ATF2: variants seen among roughly 807,000 people sequenced by gnomAD.
ATF2 encodes the protein activating transcription factor 2, also known as cyclic AMP-dependent transcription factor ATF-2.
ATF2 carries 24 observed loss-of-function variants against 60.6 expected under a neutral mutation model. That is an observed-to-expected ratio of 0.40 (90% CI 0.29 to 0.56). The LOEUF (loss-of-function observed/expected upper bound fraction) is 0.56, where lower values mean the gene tolerates loss of function less well. Among genes scored for constraint, ATF2 ranks in the 20% least tolerant of loss-of-function variants. The pLI, the probability that ATF2 is intolerant of heterozygous loss-of-function variation, is 0.54. For missense variants in ATF2, 433 were observed against 607.7 expected (o/e 0.71, Z 3.02); for synonymous variants, 206 against 215.4 (o/e 0.96, Z 0.38).
At chr2:175,153,842 A>AG (rs1699478808) in intron 1 of ATF2, among the ~76,000 whole-genome samples, 2 of 149,930 alleles carry the variant, frequency 1.3e-5, no homozygotes, top group African/African-American at 4.9e-5. Flanking sequence ...AAAGAAAAAA[A>AG]AAAAAAAAAG....
At chr2:175,104,364 A>T (rs551954863) in intron 10 of ATF2, among the ~76,000 whole-genome samples, 1 of 152,324 alleles carries the variant, frequency 6.6e-6, no homozygotes, top group African/African-American at 2.4e-5. Context: ...CAGAACCCCA[A>T]AAGGATGATG....
intron 3 of ATF2, among the ~76,000 whole-genome samples, chr2:175,135,522 C>T (rs779629565): frequency 6.6e-6 from 1 of 152,146 alleles, no homozygotes; most frequent in Non-Finnish European, 1.5e-5. Context: ...TACTTTCCCA[C>T]CATCGTAAAG....
chr2:175,162,902 G>A (rs1204184954), intron 1 of ATF2, among the ~76,000 whole-genome samples: 1 of 152,092 alleles, frequency 6.6e-6, no homozygotes, highest in Admixed American at 6.5e-5. Flanking sequence ...GGGAGGCCGA[G>A]GTGGGCGGAT....
Position 175,155,436 on chromosome 2 carries a change from T to C in ATF2, c.-142-4278A>G, listed in dbSNP as rs372893530. ...CAAAGCATAGCTTTAAGAATTGGTG[T>C]TCTGCTTTGTGTTTAGGAATTCAGA... On this transcript the variant is annotated intron_variant, in intron 1 of 13. Coordinates refer to ENST00000264110, the MANE Select transcript of ATF2 (RefSeq NM_001880.4). Among the ~76,000 whole-genome samples, 59 of 152,322 alleles carry C rather than the reference T, an allele frequency of 3.9e-4. 4 individuals are homozygous for C. The highest frequency in any genetic ancestry group is 2.0e-3 in the Admixed American group (30 of 15,306).
intron 11 of ATF2, 107 bp from the exon 12 acceptor site, chr2:175,093,374 T>G: frequency 2.8e-6 from 3 of 1,079,962 alleles, no homozygotes; most frequent in Non-Finnish European, 4.0e-6. Flanking sequence ...TTCTAAGTCT[T>G]GTTGAATACA....
intron 4 of ATF2, among the ~76,000 whole-genome samples, chr2:175,128,206 C>T (rs1231480214): frequency 6.6e-6 from 1 of 152,150 alleles, no homozygotes; most frequent in Non-Finnish European, 1.5e-5. Context: ...TTTTTAAAAA[C>T]TTAGCTTCAA....
intron 2 of ATF2, among the ~76,000 whole-genome samples, chr2:175,139,505 C>T (rs1247335129): frequency 6.6e-6 from 1 of 151,978 alleles, no homozygotes; most frequent in Non-Finnish European, 1.5e-5. Context: ...AACCCCGTCT[C>T]TACTAACAAT....
chr2:175,110,091 C>T (rs955429270), intron 10 of ATF2, among the ~76,000 whole-genome samples: 14 of 152,100 alleles, frequency 9.2e-5, no homozygotes, highest in African/African-American at 3.1e-4. Flanking sequence ...AATCCCAACA[C>T]TTTGGGAGGC....
chr2:175,156,739 T>C (rs1204459955), intron 1 of ATF2, among the ~76,000 whole-genome samples: 1 of 152,230 alleles, frequency 6.6e-6, no homozygotes, highest in Non-Finnish European at 1.5e-5. Flanking sequence ...AATGCAGCTC[T>C]GCCAACGCAC....
intron 1 of ATF2, among the ~76,000 whole-genome samples, chr2:175,154,605 CT>C (rs1050399094): frequency 1.4e-4 from 22 of 151,982 alleles, no homozygotes; most frequent in Non-Finnish European, 2.2e-4. Context: ...TTTTCCTTGT[CT>C]TAATGAAAGA....
At chr2:175,159,189 G>A (rs1406357877) in intron 1 of ATF2, among the ~76,000 whole-genome samples, 2 of 151,920 alleles carry the variant, frequency 1.3e-5, no homozygotes, top group African/African-American at 2.4e-5. Context: ...GCGTGGTGGC[G>A]GAGACTATAG....
chr2:175,157,111 A>C (rs560999728), intron 1 of ATF2, among the ~76,000 whole-genome samples: 1 of 152,340 alleles, frequency 6.6e-6, no homozygotes, highest in African/African-American at 2.4e-5. Flanking sequence ...AGTTTTCTAA[A>C]GATGCACTCA....
At position 175,073,415 on chromosome 2, in the gene ATF2, C is replaced by T. The variant is rs1005911279; in HGVS notation, c.*1194G>A. On this transcript the variant is annotated 3_prime_UTR_variant, in exon 14 of 14. Coordinates refer to ENST00000264110, the MANE Select transcript of ATF2 (RefSeq NM_001880.4). Reference sequence around the variant, plus strand: ...TTGGCCAGCATCACACTGAAGGCATCGTTAAACATTCAAGCAAAGATTGCT... The same window carrying T: ...TTGGCCAGCATCACACTGAAGGCATTGTTAAACATTCAAGCAAAGATTGCT... 2 of 151,872 alleles carry T rather than the reference C, an allele frequency of 1.3e-5. No individual in the cohort carries two copies. The highest frequency in any genetic ancestry group is 1.9e-4 in the East Asian group (1 of 5,176). The allele number at this position is 151,872 out of a possible 1,614,324, so 9.4% of individuals were successfully genotyped here. A position where few individuals can be genotyped will look rare whatever the true frequency, so the allele number is the denominator to read the frequency against.
chr2:175,140,065 A>AAATTTAAGTAACAAAT (rs1409680091), intron 2 of ATF2, among the ~76,000 whole-genome samples: 1 of 152,256 alleles, frequency 6.6e-6, no homozygotes, highest in Non-Finnish European at 1.5e-5. Flanking sequence ...AATCAGGAAT[A>AAATTTAAGTAACAAAT]AATTTAAGTA....
chr2:175,166,555 A>G (rs555746189), intron 1 of ATF2, among the ~76,000 whole-genome samples: 2 of 144,426 alleles, frequency 1.4e-5, no homozygotes, highest in African/African-American at 2.5e-5. Flanking sequence ...TCAAGTAAGG[A>G]AAAAAAAATT....
intron 1 of ATF2, among the ~76,000 whole-genome samples, chr2:175,152,126 T>C (rs764331278): frequency 3.9e-5 from 6 of 152,202 alleles, no homozygotes; most frequent in Non-Finnish European, 8.8e-5. Context: ...GACAATTAGT[T>C]GTTTCTGTCC....
chr2:175,112,229 G>T (rs560624136), intron 9 of ATF2, among the ~76,000 whole-genome samples: 5 of 151,434 alleles, frequency 3.3e-5, no homozygotes, highest in Non-Finnish European at 7.4e-5. Context: ...TTTCATTTCC[G>T]GTTGCTTTCA....
At chr2:175,106,744 G>A (rs995746818) in intron 10 of ATF2, among the ~76,000 whole-genome samples, 2 of 152,166 alleles carry the variant, frequency 1.3e-5, no homozygotes, top group Admixed American at 1.3e-4. Context: ...GCTGAGGCAG[G>A]AAAACTGCGT....
intron 13 of ATF2, chr2:175,075,123 T>G: frequency 1.7e-6 from 2 of 1,153,140 alleles, no homozygotes; most frequent in Non-Finnish European, 2.2e-6. Context: ...GAGGGAGAGT[T>G]TGGAAGATAG....
Sources: gnomAD v4.1 joint callset for allele counts (sites outside exome capture counted in the v4.1 genomes callset) on GRCh38, gnomAD v4.1.1 for gene constraint, MANE v1.5 for transcripts, NCBI Gene and HGNC (gene_info 2026-07-23, HGNC 2026-07-21) for gene names.